ATP1B3: variants seen among roughly 807,000 people sequenced by gnomAD.
The protein encoded by ATP1B3 is sodium/potassium-transporting ATPase subunit beta-3.
ATP1B3 carries 10 observed loss-of-function variants against 30.2 expected under a neutral mutation model. The ratio of observed to expected loss-of-function variants is 0.33; its 90% confidence interval spans 0.20 to 0.56. ATP1B3 has a LOEUF of 0.56. ATP1B3 is among the 20% of genes least tolerant of loss of function. The pLI is 0.90. For missense variants in ATP1B3, 238 were observed against 336.7 expected, an observed-to-expected ratio of 0.71 and a Z score of 2.29; for synonymous variants, 113 against 117.0, an observed-to-expected ratio of 0.97 and a Z score of 0.22.
In ATP1B3 at chr3:141,883,575, CTT is replaced by C. The variant is rs540154909; in HGVS notation, c.109+6667_109+6668del. Among the ~76,000 whole-genome samples, 20 of 152,234 alleles carry C rather than the reference CTT, an allele frequency of 1.3e-4. No individual in the cohort carries two copies. The South Asian group carries it at 3.7e-3, about 28-fold the overall frequency. On this transcript the variant is annotated intron_variant, in intron 1 of 6. Coordinates refer to ENST00000286371, the MANE Select transcript of ATP1B3 (RefSeq NM_001679.4). ...CCTTTTTCTATCATAGCATTTATAACTTTATATATTGTTGTCATTGCCTATTT... is the reference window on the plus strand; with the variant it reads ...CCTTTTTCTATCATAGCATTTATAACTATATATTGTTGTCATTGCCTATTT...
Position 141,876,729 on chromosome 3 carries a change from G to GGGAC in ATP1B3, c.-71_-68dup. 8.3e-7 allele frequency: 1 copy of GGGAC among 1,211,942 alleles called. No homozygotes were observed. Among genetic ancestry groups the GGGAC allele is most frequent in the Non-Finnish European group, 1.2e-6 (1 of 852,248 alleles). The allele number at this position is 1,211,942 out of a possible 1,614,324, so 75.1% of individuals were successfully genotyped here. ...GTCTCCGGGCTGCGCCGCCGGAGCC[G>GGGAC]GGACGCGCCTCCGCAGCCCTCGCCG... On this transcript the variant is annotated 5_prime_UTR_variant, in exon 1 of 7. Transcript: ENST00000286371.
At chr3:141,886,288 T>C (rs1933832086) in intron 1 of ATP1B3, among the ~76,000 whole-genome samples, 1 of 152,168 alleles carries the variant, frequency 6.6e-6, no homozygotes, top group Non-Finnish European at 1.5e-5. Context: ...CTGGAACCCC[T>C]GTCTGTTCCT....
chr3:141,884,258 T>C (rs1411250468), intron 1 of ATP1B3, among the ~76,000 whole-genome samples: 1 of 152,200 alleles, frequency 6.6e-6, no homozygotes, highest in Non-Finnish European at 1.5e-5. Context: ...TTGCTGGTGC[T>C]GTGGGTAAGA....
chr3:141,902,068 G>C, intron 1 of ATP1B3: 1 of 1,163,236 alleles, frequency 8.6e-7, no homozygotes, highest in Non-Finnish European at 1.1e-6. Flanking sequence ...GGCTTTCTGT[G>C]TGTTTCATTT....
At chr3:141,905,797 ACT>A (rs1553744832) in intron 2 of ATP1B3, among the ~76,000 whole-genome samples, 5 of 151,912 alleles carry the variant, frequency 3.3e-5, no homozygotes, top group African/African-American at 1.2e-4. Context: ...AAAACACTGA[ACT>A]CTGTTTATAA....
intron 1 of ATP1B3, among the ~76,000 whole-genome samples, chr3:141,894,756 C>A (rs1352521705): frequency 6.6e-6 from 1 of 152,130 alleles, no homozygotes; most frequent in Non-Finnish European, 1.5e-5. Context: ...CTTCTGGATA[C>A]CTCCTGAAGG....
At chr3:141,911,334 C>G (rs1018136856) in intron 3 of ATP1B3, among the ~76,000 whole-genome samples, 3 of 152,022 alleles carry the variant, frequency 2.0e-5, no homozygotes, top group Non-Finnish European at 4.4e-5. Context: ...TCCTTATGCC[C>G]TCCTTTTTCA....
intron 1 of ATP1B3, among the ~76,000 whole-genome samples, chr3:141,888,802 C>T (rs1206441894): frequency 1.3e-5 from 2 of 152,106 alleles, no homozygotes; most frequent in South Asian, 2.1e-4. Flanking sequence ...CCCCTGCGCA[C>T]GCTGTCTTGC....
intron 1 of ATP1B3, among the ~76,000 whole-genome samples, chr3:141,880,234 C>T (rs1933697048): frequency 6.6e-6 from 1 of 152,106 alleles, no homozygotes; most frequent in African/African-American, 2.4e-5. Context: ...AAAACAGCTA[C>T]GTAAAGATTT....
At chr3:141,923,757 C>G (rs779205031) in intron 6 of ATP1B3, among the ~76,000 whole-genome samples, 14 of 152,188 alleles carry the variant, frequency 9.2e-5, no homozygotes, top group Non-Finnish European at 1.9e-4. Context: ...TTTCCTCAGT[C>G]TGTTTCATGG....
intron 1 of ATP1B3, among the ~76,000 whole-genome samples, chr3:141,899,197 A>G (rs1044915873): frequency 2.6e-5 from 4 of 152,360 alleles, no homozygotes; most frequent in African/African-American, 7.2e-5. Flanking sequence ...CACACTTTAC[A>G]TATGTGAATG....
chr3:141,893,857 C>T (rs1357232031), intron 1 of ATP1B3, among the ~76,000 whole-genome samples: 1 of 152,136 alleles, frequency 6.6e-6, no homozygotes, highest in Non-Finnish European at 1.5e-5. Flanking sequence ...TTAAATACAG[C>T]CATGCCTTCT....
At chr3:141,920,109 G>A (rs1934540021) in intron 5 of ATP1B3, among the ~76,000 whole-genome samples, 1 of 152,080 alleles carries the variant, frequency 6.6e-6, no homozygotes, top group African/African-American at 2.4e-5. Context: ...CCAAGATCAC[G>A]TCTTAGGCAC....
intron 1 of ATP1B3, among the ~76,000 whole-genome samples, chr3:141,883,119 C>T (rs888892091): frequency 6.6e-6 from 1 of 152,108 alleles, no homozygotes; most frequent in African/African-American, 2.4e-5. Context: ...CCTCTCATCC[C>T]CTTATTCCAT....
rs144037516 is a variant in ATP1B3 at position 141,876,870 on chromosome 3, G to T, written c.69G>T (p.Pro23=). 2.9e-5 allele frequency: 46 copies of T among 1,581,958 alleles called. No homozygotes were observed. Among genetic ancestry groups the T allele is most frequent in the Non-Finnish European group, 4.0e-5 (46 of 1,164,326 alleles). The change falls in exon 1 of 7, where the codon CCG becomes CCT. Residue 23 remains proline (P), a synonymous_variant. Transcript: ENST00000286371. ...LAEWKLFIYN[P]TTGEFLGRTA... is the part of the protein sequence containing the mutation. The stretch of plus-strand genomic sequence containing the variant: ...AGTGGAAGCTCTTCATCTACAACCC[G>T]ACCACCGGAGAATTCCTGGGGCGCA...
intron 1 of ATP1B3, among the ~76,000 whole-genome samples, chr3:141,880,443 A>G (rs2107925912): frequency 6.6e-6 from 1 of 152,324 alleles, no homozygotes; most frequent in Non-Finnish European, 1.5e-5. Context: ...GTTGCCATTT[A>G]TGAATACACA....
At chr3:141,908,753 C>T (rs1025786495) in intron 3 of ATP1B3, among the ~76,000 whole-genome samples, 1 of 152,220 alleles carries the variant, frequency 6.6e-6, no homozygotes, top group Admixed American at 6.5e-5. Flanking sequence ...ACTCAAGCCT[C>T]TAACCCCTTA....
At chr3:141,918,805 G>C (rs1934515162) in intron 5 of ATP1B3, 1 of 152,050 alleles carries the variant, frequency 6.6e-6, no homozygotes, top group Non-Finnish European at 1.5e-5. Flanking sequence ...TAGAATAGTT[G>C]GGGGAAATGT....
intron 1 of ATP1B3, chr3:141,902,829 C>A (rs532709502): frequency 6.6e-6 from 1 of 152,574 alleles, no homozygotes; most frequent in African/African-American, 2.4e-5. Context: ...AAACTTTATT[C>A]ATTGAGTGCT....
Sources: gnomAD v4.1 joint callset for allele counts (sites outside exome capture counted in the v4.1 genomes callset) on GRCh38, gnomAD v4.1.1 for gene constraint, MANE v1.5 for transcripts, NCBI Gene and HGNC (gene_info 2026-07-23, HGNC 2026-07-21) for gene names.